SLC44A2: variants seen among roughly 807,000 people sequenced by gnomAD.
The protein encoded by SLC44A2 is choline transporter-like protein 2.
Under a neutral mutation model 90.8 loss-of-function variants are expected in SLC44A2, and 57 were observed. The observed-to-expected ratio is 0.63, with a 90% CI of 0.51 to 0.78. The LOEUF (loss-of-function observed/expected upper bound fraction) is 0.78. SLC44A2 is among the 30% of genes least tolerant of loss of function. The probability of loss-of-function intolerance (pLI) is 0.00; values close to 1 mark genes in which losing one functional copy is unlikely to be tolerated. For missense variants in SLC44A2, 794 were observed against 919.7 expected, an observed-to-expected ratio of 0.86 and a Z score of 1.77; for synonymous variants, 355 against 360.7, an observed-to-expected ratio of 0.98 and a Z score of 0.18.
At chr19:10,604,099 G>A (rs1484215092) in intron 1 of SLC44A2, among the ~76,000 whole-genome samples, 1 of 152,218 alleles carries the variant, frequency 6.6e-6, no homozygotes, top group Non-Finnish European at 1.5e-5. Flanking sequence ...CAGGGGTCTA[G>A]ACACTGGAAA....
chr19:10,607,998 C>T (rs921802755), intron 1 of SLC44A2, among the ~76,000 whole-genome samples: 9 of 150,222 alleles, frequency 6.0e-5, no homozygotes, highest in East Asian at 3.9e-4. Context: ...GCCCCCGCCT[C>T]GGCCTCCCAA....
intron 4 of SLC44A2, among the ~76,000 whole-genome samples, 159 bp from the exon 5 acceptor site, chr19:10,630,898 G>A (rs1454963780): frequency 2.0e-5 from 3 of 151,078 alleles, no homozygotes; most frequent in African/African-American, 2.4e-5. Context: ...CCAGCTACTC[G>A]GGAGGCTGAG....
At chr19:10,625,518 C>G (rs1476220505), upstream of SLC44A2, 3 of 1,225,790 alleles carry the variant, frequency 2.4e-6, no homozygotes, top group Non-Finnish European at 1.0e-6. Context: ...CCGCCTGGCG[C>G]TGTGCTGGGA....
chr19:10,626,825 C>T lies in SLC44A2; in HGVS notation c.86+524C>T, dbSNP rs1046095668. On this transcript the variant is annotated intron_variant, in intron 2 of 21. Transcript: ENST00000335757. ...GCTGGAGTGGTGCAATCTCAGCTCA[C>T]TGCAACCTTCCCCTCCTGGTTCAAG... 2.0e-5 allele frequency among the ~76,000 whole-genome samples: 3 copies of T among 150,638 alleles called. 1 individual carries two copies. Among genetic ancestry groups the T allele is most frequent in the Admixed American group, 2.0e-4 (3 of 15,084 alleles).
chr19:10,607,973 C>G (rs1918162423), intron 1 of SLC44A2, among the ~76,000 whole-genome samples: 1 of 138,954 alleles, frequency 7.2e-6, no homozygotes, highest in South Asian at 2.2e-4. Flanking sequence ...TCTCGATCTC[C>G]TGACCTCGTG....
At position 10,642,447 on chromosome 19, in the gene SLC44A2, C is replaced by A. The variant is rs1331241030; in HGVS notation, c.2010C>A (p.Cys670Ter). 6.2e-7 allele frequency: 1 copy of A among 1,613,966 alleles called. No homozygotes were observed. Among genetic ancestry groups the A allele is most frequent in the Non-Finnish European group, 8.5e-7 (1 of 1,179,948 alleles). ...TGTGTGTGGACACGCTGTTCCTCTG[C>A]TTCTGTGAGTGACCCCTCACCCCAA... ...YGMCVDTLFL[C>*]FLEDLERNDG... Residue 670 changes from cysteine to a stop codon, truncating the protein, a stop_gained, in exon 21 of 22, where the codon TGC becomes TGA. Transcript: ENST00000335757. LOFTEE classifies it high-confidence loss of function.
intron 20 of SLC44A2, chr19:10,641,141 C>A (rs545110493): frequency 6.3e-5 from 24 of 383,750 alleles, no homozygotes; most frequent in African/African-American, 4.9e-4. Context: ...ATGTATAATC[C>A]CAGCACTTTG....
chr19:10,635,198 C>T lies in SLC44A2; in HGVS notation c.1091C>T (p.Pro364Leu). ...TACGTCATGTGCTCCTTGCTCTACC[C>T]ACTGGTCACCTTCTTCTTGCTGTGC... ...VGYVMCSLLY[P>L]LVTFFLLCLC... The change falls in exon 13 of 22, where the codon CCA becomes CTA. Residue 364 changes from proline (P) to leucine (L), a missense_variant. Around this residue, in one of 3 missense-constraint regions of SLC44A2, gnomAD observed 738 missense variants for 841.1 expected, o/e 0.88. Coordinates refer to ENST00000335757, the MANE Select transcript of SLC44A2 (RefSeq NM_020428.4). 1 of 1,614,066 alleles carries T rather than the reference C, an allele frequency of 6.2e-7. No homozygotes were observed. Among genetic ancestry groups the T allele is most frequent in the Non-Finnish European group, 8.5e-7 (1 of 1,180,022 alleles).
intron 2 of SLC44A2, among the ~76,000 whole-genome samples, 167 bp downstream of exon 2, chr19:10,626,468 C>T (rs1403825621): frequency 6.7e-6 from 1 of 150,270 alleles, no homozygotes; most frequent in East Asian, 2.0e-4. Flanking sequence ...AGTGCCGTGG[C>T]GCGATCTCAA....
At chr19:10,641,097 A>AC in intron 20 of SLC44A2, 1 of 421,466 alleles carries the variant, frequency 2.4e-6, no homozygotes, top group Non-Finnish European at 4.6e-6. Flanking sequence ...AGGAGGGAAA[A>AC]AAAAAAGGCT....
At chr19:10,631,175 C>T (rs1282435470) in intron 5 of SLC44A2, 34 bp downstream of exon 5, 1 of 1,608,016 alleles carries the variant, frequency 6.2e-7, no homozygotes. Flanking sequence ...TTTTTCCTCT[C>T]CCCGCTTCCC....
At chr19:10,627,546 A>G (rs1023535681) in intron 2 of SLC44A2, among the ~76,000 whole-genome samples, 176 bp from the exon 3 acceptor site, 1 of 152,170 alleles carries the variant, frequency 6.6e-6, no homozygotes, top group African/African-American at 2.4e-5. Context: ...GTTGCACAAA[A>G]TTAAAAAATG....
chr19:10,619,672 C>T (rs950262074), intron 1 of SLC44A2, among the ~76,000 whole-genome samples: 1 of 151,374 alleles, frequency 6.6e-6, no homozygotes, highest in Non-Finnish European at 1.5e-5. Flanking sequence ...AGCAAATCTC[C>T]GCCGGACGCA....
intron 1 of SLC44A2, among the ~76,000 whole-genome samples, chr19:10,613,916 C>T (rs1021058577): frequency 3.3e-5 from 5 of 152,006 alleles, no homozygotes; most frequent in African/African-American, 7.2e-5. Context: ...GCATTTTGTG[C>T]TTCTGTCCTC....
At chr19:10,634,916 C>A (rs550829170) in intron 11 of SLC44A2, 29 bp downstream of exon 11, 10 of 1,614,092 alleles carry the variant, frequency 6.2e-6, no homozygotes, top group East Asian at 4.5e-5. Flanking sequence ...TTCCTGCCCC[C>A]ACATGAGGCC....
intron 1 of SLC44A2, among the ~76,000 whole-genome samples, chr19:10,616,458 G>A (rs890341414): frequency 6.6e-6 from 1 of 151,952 alleles, no homozygotes. Flanking sequence ...CTTGCCTGTT[G>A]CTTAGTCTGC....
chr19:10,635,579 T>C, intron 14 of SLC44A2, 64 bp downstream of exon 14: 2 of 1,420,012 alleles, frequency 1.4e-6, no homozygotes, highest in Non-Finnish European at 2.0e-6. Context: ...ATTTGAAACC[T>C]CTCATGTCCA....
chr19:10,627,878 TGAG>T (rs1483251241), intron 3 of SLC44A2, 39 bp from the exon 4 acceptor site: 1 of 1,611,840 alleles, frequency 6.2e-7, no homozygotes, highest in Non-Finnish European at 8.5e-7. Context: ...GGGCTGGATC[TGAG>T]GAGTGGCAGT....
rs776988048 is a variant in SLC44A2, at chr19:10,636,564, C to T, written c.1475C>T (p.Ser492Phe). The change falls in exon 15 of 22, where the codon TCT (serine) becomes TTT (phenylalanine). Residue 492 changes from serine to phenylalanine, a missense_variant. Ser to Phe is a radical substitution (Grantham distance 155, BLOSUM62 -2). Around this residue, in one of 3 missense-constraint regions of SLC44A2, gnomAD observed 738 missense variants for 841.1 expected, o/e 0.88. Transcript: ENST00000335757. Reference sequence around the variant, plus strand: ...GACCTGCCGGCCTTCCCGCTCTTCTCTGCCTTTGGCCGGGCGCTCAGGTGG... The same window carrying T: ...GACCTGCCGGCCTTCCCGCTCTTCTTTGCCTTTGGCCGGGCGCTCAGGTGG... ...PDDLPAFPLF[S>F]AFGRALRYHT... The T allele has an allele frequency of 1.2e-6, 2 of 1,606,158 alleles. No homozygotes were observed. Among genetic ancestry groups the T allele is most frequent in the East Asian group, 4.5e-5 (2 of 44,796 alleles).
Sources: gnomAD v4.1 joint callset for allele counts (sites outside exome capture counted in the v4.1 genomes callset) on GRCh38, gnomAD v4.1.1 for gene constraint, gnomAD v4.1.1 regional missense constraint, MANE v1.5 for transcripts, NCBI Gene and HGNC (gene_info 2026-07-23, HGNC 2026-07-21) for gene names.